SHISA6: variants seen among roughly 807,000 people sequenced by gnomAD.
SHISA6 encodes the protein protein shisa-6.
Under a neutral mutation model 47.9 loss-of-function variants are expected in SHISA6, and 22 were observed. The ratio of observed to expected loss-of-function variants is 0.46; its 90% CI spans 0.33 to 0.66. The LOEUF is 0.66. Among genes scored for constraint, SHISA6 ranks in the 30% least tolerant of loss-of-function variants. The pLI is 0.02. For missense variants in SHISA6, 680 were observed against 764.6 expected (o/e 0.89, Z 1.30); for synonymous variants, 388 against 337.8 (o/e 1.15, Z -1.63).
chr17:11,355,091 T>C (rs1438814002), intron 2 of SHISA6, among the ~76,000 whole-genome samples: 3 of 152,220 alleles, frequency 2.0e-5, no homozygotes, highest in Non-Finnish European at 4.4e-5. Context: ...CACATGAGAG[T>C]GAAGCCCTTT....
intron 2 of SHISA6, among the ~76,000 whole-genome samples, chr17:11,266,858 G>T (rs530744440): frequency 6.6e-6 from 1 of 152,146 alleles, no homozygotes; most frequent in Non-Finnish European, 1.5e-5. Context: ...CATCCTCTGG[G>T]GATGAAAGGA....
intron 2 of SHISA6, among the ~76,000 whole-genome samples, chr17:11,287,866 G>A (rs1159757230): frequency 6.6e-6 from 1 of 152,136 alleles, no homozygotes; most frequent in Non-Finnish European, 1.5e-5. Context: ...AACTATGCAT[G>A]TAGATCATTG....
intron 2 of SHISA6, among the ~76,000 whole-genome samples, chr17:11,284,411 C>T (rs1909226647): frequency 6.6e-6 from 1 of 152,062 alleles, no homozygotes; most frequent in Admixed American, 6.5e-5. Flanking sequence ...TGCCCGAGCT[C>T]CAGGCTTTTT....
At chr17:11,481,898 AAAAAAATGCCAT>A (rs1300712907) in intron 3 of SHISA6, among the ~76,000 whole-genome samples, 8 of 152,140 alleles carry the variant, frequency 5.3e-5, no homozygotes, top group Non-Finnish European at 7.4e-5. Context: ...TTGATGCCAT[AAAAAAATGCCAT>A]AAAAAATGCC....
At chr17:11,441,851 T>C (rs545708612) in intron 3 of SHISA6, among the ~76,000 whole-genome samples, 3 of 152,264 alleles carry the variant, frequency 2.0e-5, no homozygotes, top group Middle Eastern at 3.4e-3. Context: ...AACTACTTAT[T>C]TGAAACTTCC....
chr17:11,438,483 A>G (rs1353917234), intron 3 of SHISA6, among the ~76,000 whole-genome samples: 1 of 151,998 alleles, frequency 6.6e-6, no homozygotes, highest in Non-Finnish European at 1.5e-5. Flanking sequence ...TCTCTTCCTG[A>G]CCTGCAGACA....
chr17:11,440,882 A>AT (rs1224644837), intron 3 of SHISA6, among the ~76,000 whole-genome samples: 1 of 151,724 alleles, frequency 6.6e-6, no homozygotes, highest in Non-Finnish European at 1.5e-5. Context: ...CCATTGAGAG[A>AT]TGGGAGAGAG....
chr17:11,557,869 G>T lies in SHISA6; in HGVS notation c.1221G>T (p.Arg407Ser). 6.4e-7 allele frequency: 1 copy of T among 1,551,444 alleles called. No individual in the cohort carries two copies. The highest frequency in any genetic ancestry group is 8.7e-7 in the Non-Finnish European group (1 of 1,147,002). ...TGTCCCAACAGAAGCCGTTGCCAAGGGAACGACCCCGCCGGCCCATCCGGG... is the reference window on the plus strand; with the variant it reads ...TGTCCCAACAGAAGCCGTTGCCAAGTGAACGACCCCGCCGGCCCATCCGGG... Reference protein sequence around the residue: ...IQMSQQKPLPRERPRRPIRAM... With the variant: ...IQMSQQKPLPSERPRRPIRAM... The change falls in exon 6 of 6, where the codon AGG (arginine) becomes AGT (serine). Residue 407 changes from arginine to serine, a missense_variant. By Grantham distance (110) the Arg-to-Ser change is moderately radical (BLOSUM62 -1). Around this residue, in one of 2 missense-constraint regions of SHISA6, gnomAD observed 559 missense variants for 674.1 expected, o/e 0.83. Transcript: ENST00000441885.
At chr17:11,289,082 G>A (rs115368868) in intron 2 of SHISA6, 1 of 151,970 alleles carries the variant, frequency 6.6e-6, no homozygotes, top group African/African-American at 2.4e-5. Context: ...TTTTTGTCAT[G>A]GTAAAGAGGT....
chr17:11,246,844 G>T (rs1907613413), intron 1 of SHISA6, among the ~76,000 whole-genome samples: 1 of 115,508 alleles, frequency 8.7e-6, no homozygotes, highest in African/African-American at 2.9e-5. Context: ...AGGTTAGCAG[G>T]GTTCCTTCTT....
chr17:11,529,443 T>A (rs924396073), intron 3 of SHISA6, among the ~76,000 whole-genome samples: 1 of 152,168 alleles, frequency 6.6e-6, no homozygotes, highest in Admixed American at 6.5e-5. Flanking sequence ...CAATATGTAT[T>A]ATTTTATAAT....
intron 3 of SHISA6, among the ~76,000 whole-genome samples, chr17:11,533,599 T>A (rs1163024590): frequency 2.1e-5 from 3 of 143,496 alleles, no homozygotes; most frequent in African/African-American, 7.7e-5. Flanking sequence ...TTTTTTTTTT[T>A]TTTTTTTTTT....
chr17:11,416,396 T>TA (rs1309869602), intron 3 of SHISA6, among the ~76,000 whole-genome samples: 27 of 152,264 alleles, frequency 1.8e-4, no homozygotes, highest in African/African-American at 6.5e-4. Flanking sequence ...TGGCCATACT[T>TA]ACTTGGGATG....
chr17:11,481,554 G>A (rs534893392), intron 3 of SHISA6, among the ~76,000 whole-genome samples: 4 of 150,748 alleles, frequency 2.7e-5, no homozygotes, highest in South Asian at 2.1e-4. Context: ...GTGCAGTGGC[G>A]CGATCTTGGC....
chr17:11,364,701 T>C (rs572201035), intron 2 of SHISA6, among the ~76,000 whole-genome samples: 1 of 152,352 alleles, frequency 6.6e-6, no homozygotes, highest in African/African-American at 2.4e-5. Context: ...TATTCATTTC[T>C]CCTGGGTAAA....
chr17:11,293,496 G>C (rs548498975), intron 2 of SHISA6, among the ~76,000 whole-genome samples: 17 of 152,278 alleles, frequency 1.1e-4, no homozygotes, highest in Admixed American at 1.1e-3. Flanking sequence ...GTATTTCCCT[G>C]AGAGCATGGA....
chr17:11,505,356 G>C (rs986567193), intron 3 of SHISA6, among the ~76,000 whole-genome samples: 5 of 152,186 alleles, frequency 3.3e-5, no homozygotes, highest in African/African-American at 1.2e-4. Context: ...CCAGAAATGG[G>C]AATTTTCCTG....
Position 11,241,936 on chromosome 17 carries a change from G to A in SHISA6, c.514G>A (p.Asp172Asn). 1 of 1,550,942 alleles carries A rather than the reference G, an allele frequency of 6.4e-7. No homozygotes were observed. The highest frequency in any genetic ancestry group is 1.4e-5 in the African/African-American group (1 of 73,178). The change falls in exon 1 of 6, where the codon GAC becomes AAC. Residue 172 changes from aspartate to asparagine, a missense_variant. Physicochemically the swap from Asp to Asn is conservative, Grantham distance 23 (BLOSUM62 1). Around this residue, in one of 2 missense-constraint regions of SHISA6, gnomAD observed 559 missense variants for 674.1 expected, o/e 0.83. Transcript: ENST00000441885. The surrounding 1 kb of genome is among the most constrained non-coding windows in gnomAD (Gnocchi z 5.5). ...GPENKYDPEK[D>N]KTNFTVYITC... ...CGAGAACAAGTACGACCCGGAGAAG[G>A]ACAAGACCAACTTCACCGTCTACAT...
At chr17:11,309,784 AG>A (rs1910251850) in intron 2 of SHISA6, among the ~76,000 whole-genome samples, 1 of 152,246 alleles carries the variant, frequency 6.6e-6, no homozygotes, top group South Asian at 2.1e-4. Context: ...TTCTCTTTTA[AG>A]GTTCTTCCTG....
Sources: gnomAD v4.1 joint callset for allele counts (sites outside exome capture counted in the v4.1 genomes callset) on GRCh38, gnomAD v4.1.1 for gene constraint, gnomAD v4.1.1 regional missense constraint, Gnocchi (gnomAD v3.1) non-coding constraint, MANE v1.5 for transcripts, NCBI Gene and HGNC (gene_info 2026-07-23, HGNC 2026-07-21) for gene names.